SESTD1: variants seen among roughly 807,000 people sequenced by gnomAD.
SESTD1 encodes the protein SEC14 and spectrin domain containing 1.
SESTD1 carries 43 observed loss-of-function variants against 101.7 expected under a neutral mutation model. The observed-to-expected ratio is 0.42, with a 90% CI of 0.33 to 0.55. SESTD1 has a LOEUF of 0.55. Ranked by LOEUF, SESTD1 falls within the 20% of genes least tolerant of loss-of-function variation. The probability of loss-of-function intolerance (pLI) is 0.07; values close to 1 mark genes in which losing one functional copy is unlikely to be tolerated. For synonymous variants in SESTD1, 283 were observed against 286.8 expected (o/e 0.99, Z 0.13); for missense variants, 647 against 815.1 (o/e 0.79, Z 2.51).
At chr2:179,147,351 ATGTTTGTTTTTT>A (rs921792861) in intron 7 of SESTD1, among the ~76,000 whole-genome samples, 3 of 150,304 alleles carry the variant, frequency 2.0e-5, no homozygotes, top group Non-Finnish European at 2.9e-5. Flanking sequence ...TGAACAAGAT[ATGTTTGTTTTTT>A]TGTTTTTTTT....
intron 5 of SESTD1, among the ~76,000 whole-genome samples, chr2:179,152,374 A>G (rs2045547991): frequency 6.6e-6 from 1 of 152,110 alleles, no homozygotes; most frequent in Non-Finnish European, 1.5e-5. Flanking sequence ...AATTTTTGGA[A>G]CTCTTCTGTA....
At chr2:179,134,745 CTT>C (rs2045099665) in intron 9 of SESTD1, among the ~76,000 whole-genome samples, 2 of 152,016 alleles carry the variant, frequency 1.3e-5, no homozygotes, top group Admixed American at 6.5e-5. Flanking sequence ...CTCTAAAGCT[CTT>C]GTTTCTATCT....
chr2:179,117,236 C>A (rs2044653946), intron 14 of SESTD1, among the ~76,000 whole-genome samples: 1 of 152,020 alleles, frequency 6.6e-6, no homozygotes, highest in African/African-American at 2.4e-5. Context: ...GTGTGCTCCA[C>A]CAGATTTTAT....
chr2:179,197,573 C>T (rs191701029), intron 1 of SESTD1, among the ~76,000 whole-genome samples: 2 of 151,736 alleles, frequency 1.3e-5, no homozygotes, highest in African/African-American at 4.9e-5. Flanking sequence ...GGTCGGGTTA[C>T]CCTCAAAGGG....
intron 5 of SESTD1, among the ~76,000 whole-genome samples, chr2:179,153,414 T>A (rs1455582812): frequency 1.3e-5 from 2 of 152,128 alleles, no homozygotes; most frequent in Non-Finnish European, 2.9e-5. Context: ...AGAAAAAGCA[T>A]CCTTACAGTG....
chr2:179,247,904 T>A (rs2047257321), intron 1 of SESTD1, among the ~76,000 whole-genome samples: 1 of 151,944 alleles, frequency 6.6e-6, no homozygotes, highest in South Asian at 2.1e-4. Flanking sequence ...AAAATGAAAC[T>A]ACAATATATC....
rs893906890 is a variant in SESTD1 at position 179,101,931 on chromosome 2, G to A, written c.*7968C>T. 6.6e-6 allele frequency: 1 copy of A among 152,134 alleles called. No individual in the cohort carries two copies. Among genetic ancestry groups the A allele is most frequent in the African/African-American group, 2.4e-5 (1 of 41,440 alleles). 9.4% of individuals were successfully genotyped at this position (152,134 alleles called of 1,614,324 possible). A position where few individuals can be genotyped will look rare whatever the true frequency, so the allele number is the denominator to read the frequency against. ...CTTAACTTCATTGGACAAGGTATAA[G>A]GCTTGCCAATTTCCAAAGTCTGGCA... On this transcript the variant is annotated 3_prime_UTR_variant, in exon 18 of 18. Transcript: ENST00000428443.
At chr2:179,257,920 A>T (rs938331903) in intron 1 of SESTD1, among the ~76,000 whole-genome samples, 1 of 152,206 alleles carries the variant, frequency 6.6e-6, no homozygotes, top group Admixed American at 6.5e-5. Flanking sequence ...GGAGACACAT[A>T]ACCACCAGTC....
At position 179,239,135 on chromosome 2, in the gene SESTD1, C is replaced by T. The variant is rs866409112; in HGVS notation, c.-26+25364G>A. Among the ~76,000 whole-genome samples, 4 of 152,094 alleles carry T rather than the reference C, an allele frequency of 2.6e-5. No homozygotes were observed. The South Asian group carries it at 8.3e-4, about 32-fold the overall frequency. On this transcript the variant is annotated intron_variant, in intron 1 of 17. Transcript: ENST00000428443. ...GTAAACACTTGAAGTGAGATTAAGA[C>T]TATTAATTCAACAAAAGTCTACAGT... is the stretch of plus-strand genomic sequence containing the variant.
chr2:179,201,219 T>G lies in SESTD1; in HGVS notation c.-25-9353A>C, dbSNP rs1284449410. ...AGAGAAATGCAAATCAAAACCACAA[T>G]GAGATACCATCTCACACCAGTCAGA... On this transcript the variant is annotated intron_variant, in intron 1 of 17. Coordinates refer to ENST00000428443, the MANE Select transcript of SESTD1 (RefSeq NM_178123.5). 3.0e-5 allele frequency among the ~76,000 whole-genome samples: 4 copies of G among 133,364 alleles called. 1 individual carries two copies. The allele number at this position is 133,364 out of a possible 152,430, so 87.5% of individuals were successfully genotyped here.
intron 5 of SESTD1, among the ~76,000 whole-genome samples, chr2:179,171,583 G>C (rs1423667976): frequency 6.6e-6 from 1 of 152,130 alleles, no homozygotes; most frequent in Non-Finnish European, 1.5e-5. Flanking sequence ...GTGGAAGAAA[G>C]AATATGACAA....
chr2:179,131,648 A>G (rs1344848385), intron 10 of SESTD1, among the ~76,000 whole-genome samples: 1 of 152,206 alleles, frequency 6.6e-6, no homozygotes, highest in Non-Finnish European at 1.5e-5. Flanking sequence ...CTCAGTAATG[A>G]AGAATTAACT....
At chr2:179,173,675 C>T (rs2105476093) in intron 4 of SESTD1, among the ~76,000 whole-genome samples, 1 of 152,246 alleles carries the variant, frequency 6.6e-6, no homozygotes, top group Non-Finnish European at 1.5e-5. Flanking sequence ...ACTTCGTATG[C>T]TCTGAACCTG....
rs981805630 is a variant in SESTD1, at chr2:179,108,770, CATTTAA to C, written c.*1123_*1128del. ...AAAATTTAAATTATATGCATTTTACCATTTAAACTTAATACAAACTTAAAAGAACTA... is the reference window on the plus strand; with the variant it reads ...AAAATTTAAATTATATGCATTTTACCACTTAATACAAACTTAAAAGAACTA... On this transcript the variant is annotated 3_prime_UTR_variant, in exon 18 of 18. Transcript: ENST00000428443. 5.9e-5 allele frequency: 9 copies of C among 151,678 alleles called. No individual in the cohort carries two copies. Among genetic ancestry groups the C allele is most frequent in the African/African-American group, 2.2e-4 (9 of 41,312 alleles). 9.4% of individuals were successfully genotyped at this position (151,678 alleles called of 1,614,324 possible).
At chr2:179,134,008 T>TATA (rs1370995946) in intron 9 of SESTD1, among the ~76,000 whole-genome samples, 1 of 152,246 alleles carries the variant, frequency 6.6e-6, no homozygotes, top group Non-Finnish European at 1.5e-5. Context: ...TTGTAGTAGA[T>TATA]ATTATAAGTA....
chr2:179,228,431 AG>A (rs1227049960), intron 1 of SESTD1, among the ~76,000 whole-genome samples: 1 of 152,226 alleles, frequency 6.6e-6, no homozygotes. Flanking sequence ...ATACAGTGGC[AG>A]AAAAGATGTT....
intron 1 of SESTD1, among the ~76,000 whole-genome samples, chr2:179,223,742 T>C (rs1478447084): frequency 6.6e-6 from 1 of 152,116 alleles, no homozygotes; most frequent in Non-Finnish European, 1.5e-5. Flanking sequence ...ACTAAATGGA[T>C]TAAATGAAGG....
intron 12 of SESTD1, among the ~76,000 whole-genome samples, chr2:179,122,528 A>G (rs1193129180): frequency 6.6e-6 from 1 of 152,196 alleles, no homozygotes; most frequent in East Asian, 1.9e-4. Context: ...AAGAAAACTA[A>G]TATTTTAAAA....
chr2:179,230,113 C>CTTTTTTTTTTATTTTTTTTT (rs2046962677), intron 1 of SESTD1, among the ~76,000 whole-genome samples: 1 of 56,404 alleles, frequency 1.8e-5, no homozygotes, highest in Non-Finnish European at 3.3e-5. Flanking sequence ...GATTGTATCT[C>CTTTTTTTTTTATTTTTTTTT]TTTTTTTTTT....
Sources: allele counts gnomAD v4.1 joint callset (sites outside exome capture counted in the v4.1 genomes callset), GRCh38; gene constraint gnomAD v4.1.1; transcripts MANE v1.5; gene names NCBI Gene and HGNC (gene_info 2026-07-23, HGNC 2026-07-21).